Variants in THRB observed in about 807,000 individuals in gnomAD.
The protein encoded by THRB is nuclear receptor subfamily 1 group A member 2.
Under a neutral mutation model 47.8 loss-of-function variants are expected in THRB, and 12 were observed. The ratio of observed to expected loss-of-function variants is 0.25; its 90% confidence interval spans 0.16 to 0.41. The LOEUF (loss-of-function observed/expected upper bound fraction) is 0.41. THRB is among the 10% of genes least tolerant of loss of function. The pLI is 1.00. For synonymous variants in THRB, 218 were observed against 212.2 expected (o/e 1.03, Z -0.24); for missense variants, 348 against 589.2 (o/e 0.59, Z 4.24).
At chr3:24,412,044 G>A (rs1364934312) in intron 1 of THRB, among the ~76,000 whole-genome samples, 1 of 151,706 alleles carries the variant, frequency 6.6e-6, no homozygotes, top group East Asian at 2.0e-4. Context: ...GCAGGAGAGG[G>A]AAAGATATAA....
intron 2 of THRB, among the ~76,000 whole-genome samples, chr3:24,307,991 T>G (rs1398342357): frequency 6.6e-6 from 1 of 152,162 alleles, no homozygotes; most frequent in Non-Finnish European, 1.5e-5. Flanking sequence ...TCTGTGAATT[T>G]TGCCCATCCG....
At chr3:24,243,856 T>C (rs1236109927) in intron 3 of THRB, among the ~76,000 whole-genome samples, 1 of 152,054 alleles carries the variant, frequency 6.6e-6, no homozygotes, top group East Asian at 1.9e-4. Context: ...AAATACTCGT[T>C]AAATGGAGAA....
chr3:24,445,397 T>C (rs1284828937), intron 1 of THRB, among the ~76,000 whole-genome samples: 1 of 151,804 alleles, frequency 6.6e-6, no homozygotes, highest in Non-Finnish European at 1.5e-5. Context: ...TTGACTGGAG[T>C]AGCAAAGGTG....
At chr3:24,392,910 T>C (rs1016078659) in intron 1 of THRB, among the ~76,000 whole-genome samples, 7 of 152,164 alleles carry the variant, frequency 4.6e-5, no homozygotes, top group African/African-American at 1.7e-4. Context: ...TTATCTCTAT[T>C]TATACCCAGA....
intron 3 of THRB, among the ~76,000 whole-genome samples, chr3:24,230,658 T>C (rs2048164040): frequency 1.3e-5 from 2 of 152,268 alleles, no homozygotes; most frequent in Admixed American, 6.5e-5. Context: ...TCTTAGAAAC[T>C]GTGCTGCCAT....
At chr3:24,277,147 T>G (rs2054003651) in intron 3 of THRB, among the ~76,000 whole-genome samples, 1 of 152,142 alleles carries the variant, frequency 6.6e-6, no homozygotes, top group Non-Finnish European at 1.5e-5. Flanking sequence ...GGAACAGTGG[T>G]TATCAATTTT....
chr3:24,326,930 A>G (rs1484545252), intron 2 of THRB, among the ~76,000 whole-genome samples: 1 of 151,622 alleles, frequency 6.6e-6, no homozygotes, highest in African/African-American at 2.4e-5. Context: ...ATGCCCAGCT[A>G]ATTTTTGTAT....
chr3:24,122,409 A>G lies in THRB; in HGVS notation c.*475T>C. The G allele has an allele frequency of 4.6e-6, 1 of 217,016 alleles. No homozygotes were observed. The highest frequency in any genetic ancestry group is 9.3e-6 in the Non-Finnish European group (1 of 107,374). The allele number at this position is 217,016 out of a possible 1,614,324, so 13.4% of individuals were successfully genotyped here. On this transcript the variant is annotated 3_prime_UTR_variant, in exon 11 of 11. Coordinates refer to ENST00000646209, the MANE Select transcript of THRB (RefSeq NM_001354712.2). Reference sequence around the variant, plus strand: ...ACAGCATGCTCTTGAATAGATGAAAATTTGTTCGAGTCTTTCCCTAAAAGG... The same window carrying G: ...ACAGCATGCTCTTGAATAGATGAAAGTTTGTTCGAGTCTTTCCCTAAAAGG...
chr3:24,178,103 T>C (rs1339502847), intron 5 of THRB, among the ~76,000 whole-genome samples: 2 of 152,168 alleles, frequency 1.3e-5, no homozygotes, highest in African/African-American at 2.4e-5. Flanking sequence ...CTTTAGAGCA[T>C]TGAATAGCTG....
chr3:24,455,106 CTTTTTTTTTTTTTTTTTTT>C (rs71057676), intron 1 of THRB: 3 of 40,694 alleles, frequency 7.4e-5, no homozygotes, highest in African/African-American at 2.8e-4. Context: ...TAAGGACTTA[CTTTTTTTTTTTTTTTTTTT>C]TTTTTTTTTT....
At chr3:24,204,380 C>T (rs1448786927) in intron 4 of THRB, among the ~76,000 whole-genome samples, 2 of 152,188 alleles carry the variant, frequency 1.3e-5, no homozygotes, top group South Asian at 2.1e-4. Flanking sequence ...ACTGCTGATA[C>T]CCAGGCAAAC....
intron 1 of THRB, among the ~76,000 whole-genome samples, chr3:24,426,179 C>G (rs1413223627): frequency 1.3e-5 from 2 of 151,942 alleles, no homozygotes; most frequent in African/African-American, 2.4e-5. Flanking sequence ...GATAATCTAT[C>G]TGGCATTTAG....
At chr3:24,482,907 C>A (rs1455759602) in intron 1 of THRB, among the ~76,000 whole-genome samples, 1 of 152,118 alleles carries the variant, frequency 6.6e-6, no homozygotes, top group African/African-American at 2.4e-5. Context: ...CAGAAATAGG[C>A]TTGTGAAGTA....
intron 4 of THRB, among the ~76,000 whole-genome samples, chr3:24,221,480 A>G (rs914869998): frequency 6.6e-6 from 1 of 152,166 alleles, no homozygotes; most frequent in African/African-American, 2.4e-5. Flanking sequence ...TGAGTTTAGC[A>G]GAGTGGTGAT....
intron 4 of THRB, among the ~76,000 whole-genome samples, chr3:24,212,453 G>T (rs1212116839): frequency 6.6e-6 from 1 of 150,764 alleles, no homozygotes; most frequent in Non-Finnish European, 1.5e-5. Flanking sequence ...ATGGTGGCGG[G>T]CACCTGTAAT....
At chr3:24,379,987 G>T (rs1477797152) in intron 1 of THRB, among the ~76,000 whole-genome samples, 1 of 151,010 alleles carries the variant, frequency 6.6e-6, no homozygotes, top group Non-Finnish European at 1.5e-5. Context: ...TTCTGGCATT[G>T]GTTCCTTCCT....
chr3:24,440,543 G>A (rs1291703234), intron 1 of THRB, among the ~76,000 whole-genome samples: 1 of 152,140 alleles, frequency 6.6e-6, no homozygotes, highest in Non-Finnish European at 1.5e-5. Flanking sequence ...TAAAATATTT[G>A]TAGTCACATG....
Position 24,440,402 on chromosome 3 carries a change from C to T in THRB, c.-261+54250G>A, listed in dbSNP as rs2071414405. 2.0e-5 allele frequency among the ~76,000 whole-genome samples: 3 copies of T among 152,270 alleles called. No homozygotes were observed. The South Asian group carries it at 6.2e-4, about 32-fold the overall frequency. On this transcript the variant is annotated intron_variant, in intron 1 of 10. Coordinates refer to ENST00000646209, the MANE Select transcript of THRB (RefSeq NM_001354712.2). Reference sequence around the variant, plus strand: ...CCCACCATTAGAGACCAGCCCCACACAGGAGCCATTCTAGCATGCACACAG... The same window carrying T: ...CCCACCATTAGAGACCAGCCCCACATAGGAGCCATTCTAGCATGCACACAG...
intron 1 of THRB, among the ~76,000 whole-genome samples, chr3:24,493,394 T>C (rs1486824715): frequency 6.6e-6 from 1 of 152,212 alleles, no homozygotes. Context: ...AATGTGAAGA[T>C]TGCCCAACAG....
Sources: allele counts gnomAD v4.1 joint callset (sites outside exome capture counted in the v4.1 genomes callset), GRCh38; gene constraint gnomAD v4.1.1; transcripts MANE v1.5; gene names NCBI Gene and HGNC (gene_info 2026-07-23, HGNC 2026-07-21).